Variants in MME observed in about 807,000 individuals in gnomAD.
The protein encoded by MME is neprilysin.
In MME, 98 loss-of-function variants were observed where a neutral mutation model predicts 113.2. That is an observed-to-expected ratio of 0.87 (90% CI 0.74 to 1.02). MME has a LOEUF of 1.02. Ranked by LOEUF, MME falls within the 50% of genes least tolerant of loss-of-function variation. The probability of loss-of-function intolerance (pLI) is 0.00; values close to 1 mark genes in which losing one functional copy is unlikely to be tolerated. For synonymous variants in MME, 292 were observed against 300.6 expected, an observed-to-expected ratio of 0.97 and a Z score of 0.30; for missense variants, 836 against 896.0, an observed-to-expected ratio of 0.93 and a Z score of 0.86.
intron 1 of MME, among the ~76,000 whole-genome samples, chr3:155,037,588 C>G (rs1713168227): frequency 6.6e-6 from 1 of 151,984 alleles, no homozygotes; most frequent in Non-Finnish European, 1.5e-5. Context: ...CCCAGGGGAA[C>G]TCAATTGTTT....
intron 1 of MME, among the ~76,000 whole-genome samples, chr3:155,057,585 G>T (rs1192899102): frequency 6.6e-6 from 1 of 151,956 alleles, no homozygotes; most frequent in Non-Finnish European, 1.5e-5. Flanking sequence ...GTGAGCTCTG[G>T]TAGACTTGCC....
chr3:155,042,488 C>G (rs1559889818), intron 1 of MME, among the ~76,000 whole-genome samples: 1 of 152,126 alleles, frequency 6.6e-6, no homozygotes, highest in Admixed American at 6.5e-5. Flanking sequence ...CATGTACACA[C>G]ATGTTTATAC....
chr3:155,025,938 G>A (rs553078841), intron 1 of MME, among the ~76,000 whole-genome samples: 27 of 151,722 alleles, frequency 1.8e-4, no homozygotes, highest in Non-Finnish European at 2.9e-5. Context: ...CAAGTTATCT[G>A]CCTGGTATCA....
rs201509413 is a variant in MME, at chr3:155,124,493, C to T, written c.720+5682C>T. Among the ~76,000 whole-genome samples the T allele has an allele frequency of 1.2e-3, 184 of 152,320 alleles. 1 individual carries two copies. In the East Asian group the frequency reaches 0.033, roughly 27 times the overall value. On this transcript the variant is annotated intron_variant, in intron 8 of 22. Coordinates refer to ENST00000360490, the MANE Select transcript of MME (RefSeq NM_007289.4). ...GCGTTCCTTTGGAGGAGGAGAGACGCTCTGCGTTTTAGAGTTTCCAGTTTT... is the reference window on the plus strand; with the variant it reads ...GCGTTCCTTTGGAGGAGGAGAGACGTTCTGCGTTTTAGAGTTTCCAGTTTT...
upstream of MME, among the ~76,000 whole-genome samples, chr3:155,077,034 C>T (rs2108148976): frequency 6.6e-6 from 1 of 152,224 alleles, no homozygotes; most frequent in East Asian, 1.9e-4. Context: ...CCTCCTACAT[C>T]ATCGTATGAC....
chr3:155,092,952 A>G (rs1464214410), intron 3 of MME, among the ~76,000 whole-genome samples: 1 of 152,154 alleles, frequency 6.6e-6, no homozygotes, highest in Non-Finnish European at 1.5e-5. Flanking sequence ...CTAAAGATCA[A>G]GTGTAAATTG....
intron 1 of MME, among the ~76,000 whole-genome samples, chr3:155,047,878 T>C (rs1279642604): frequency 3.3e-5 from 5 of 152,194 alleles, no homozygotes; most frequent in Non-Finnish European, 7.4e-5. Context: ...TAATTTGAAT[T>C]TCAGTTCCAT....
chr3:155,173,292 C>T (rs1712183949), intron 22 of MME, among the ~76,000 whole-genome samples: 1 of 151,514 alleles, frequency 6.6e-6, no homozygotes, highest in African/African-American at 2.4e-5. Context: ...AACACTTAGT[C>T]ACTCATTTGC....
At chr3:155,136,260 T>G (rs1461637223) in intron 8 of MME, among the ~76,000 whole-genome samples, 1 of 152,182 alleles carries the variant, frequency 6.6e-6, no homozygotes, top group Non-Finnish European at 1.5e-5. Flanking sequence ...GCCTATCCAG[T>G]ATGATGTTGG....
chr3:155,140,715 C>T (rs1278064746), intron 10 of MME, among the ~76,000 whole-genome samples: 2 of 152,010 alleles, frequency 1.3e-5, no homozygotes, highest in Admixed American at 6.6e-5. Flanking sequence ...TGGTAAAATT[C>T]CTTTTAAGGC....
At chr3:155,063,586 A>C (rs1359838277) in intron 1 of MME, among the ~76,000 whole-genome samples, 2 of 88,368 alleles carry the variant, frequency 2.3e-5, no homozygotes, top group Non-Finnish European at 4.9e-5. Context: ...ATTAATATAT[A>C]TAATAAATAT....
chr3:155,177,918 C>A (rs1039454048), intron 22 of MME, among the ~76,000 whole-genome samples: 2 of 152,122 alleles, frequency 1.3e-5, no homozygotes, highest in African/African-American at 2.4e-5. Flanking sequence ...TCCCTACAGT[C>A]CAAATGCTCC....
intron 17 of MME, among the ~76,000 whole-genome samples, chr3:155,163,012 CAAAAAAAAAA>C (rs57700088): frequency 3.8e-5 from 3 of 78,290 alleles, no homozygotes; most frequent in Non-Finnish European, 7.7e-5. Flanking sequence ...AACTCTGTCT[CAAAAAAAAAA>C]AAAAAAAAAG....
At chr3:155,170,283 G>A (rs995227254) in intron 20 of MME, among the ~76,000 whole-genome samples, 3 of 152,144 alleles carry the variant, frequency 2.0e-5, no homozygotes, top group Admixed American at 6.5e-5. Context: ...GACATCAAGC[G>A]ATCCACCTGC....
intron 1 of MME, among the ~76,000 whole-genome samples, chr3:155,048,975 G>A (rs1417929173): frequency 2.0e-5 from 3 of 151,948 alleles, no homozygotes; most frequent in Non-Finnish European, 4.4e-5. Context: ...TTTTTAACAT[G>A]TTTAACTTAT....
In MME at chr3:155,180,381, C is replaced by T. The variant is rs778721374; in HGVS notation, c.2175C>T (p.Asn725=). 4.3e-6 allele frequency: 7 copies of T among 1,613,292 alleles called. No homozygotes were observed. Among genetic ancestry groups the T allele is most frequent in the Non-Finnish European group, 5.9e-6 (7 of 1,179,436 alleles). ...AAAGGATTATTGGGACTTTGCAGAA[C>T]TCTGCAGAGTTTTCAGAAGCCTTTC... ...GNFRIIGTLQ[N]SAEFSEAFHC... is the part of the protein sequence containing the mutation. The change falls in exon 23 of 23, where the codon AAC becomes AAT. Residue 725 remains asparagine (N), a synonymous_variant. Transcript: ENST00000360490.
intron 16 of MME, among the ~76,000 whole-genome samples, chr3:155,152,905 A>T (rs531865820): frequency 1.2e-4 from 18 of 152,094 alleles, no homozygotes; most frequent in Non-Finnish European, 2.9e-5. Context: ...GATACACAAC[A>T]TCATCTTTAA....
intron 1 of MME, among the ~76,000 whole-genome samples, chr3:155,033,271 T>C (rs971462757): frequency 6.6e-6 from 1 of 152,206 alleles, no homozygotes; most frequent in African/African-American, 2.4e-5. Context: ...GAAATTTTGT[T>C]CTATTTCATA....
At chr3:155,147,260 A>G in intron 15 of MME, 36 bp downstream of exon 15, 2 of 1,285,100 alleles carry the variant, frequency 1.6e-6, no homozygotes, top group East Asian at 2.3e-5. Context: ...GACTACTGAT[A>G]CTTAGGGCTG....
Sources: gnomAD v4.1 joint callset for allele counts (sites outside exome capture counted in the v4.1 genomes callset) on GRCh38, gnomAD v4.1.1 for gene constraint, MANE v1.5 for transcripts, NCBI Gene and HGNC (gene_info 2026-07-23, HGNC 2026-07-21) for gene names.